Variants in AADACL2 observed in about 807,000 individuals in gnomAD.
AADACL2 encodes the protein arylacetamide deacetylase like 2.
Under a neutral mutation model 22.3 loss-of-function variants are expected in AADACL2, and 23 were observed. The observed-to-expected ratio is 1.03, with a 90% CI of 0.74 to 1.46. The LOEUF (loss-of-function observed/expected upper bound fraction) is 1.46, where lower values mean the gene tolerates loss of function less well. AADACL2 is among the 40% of genes most tolerant of loss of function. The pLI, the probability that AADACL2 is intolerant of heterozygous loss-of-function variation, is 0.00. For synonymous variants in AADACL2, 177 were observed against 166.2 expected (o/e 1.07, Z -0.50); for missense variants, 472 against 482.9 (o/e 0.98, Z 0.21).
chr3:151,737,157 G>T (rs976719099), intron 1 of AADACL2, among the ~76,000 whole-genome samples: 1 of 152,088 alleles, frequency 6.6e-6, no homozygotes, highest in Admixed American at 6.6e-5. Context: ...CTGCTATGTT[G>T]TCTCTTCATT....
At chr3:151,743,847 T>C (rs1387466517) in intron 2 of AADACL2, among the ~76,000 whole-genome samples, 1 of 152,136 alleles carries the variant, frequency 6.6e-6, no homozygotes, top group Admixed American at 6.6e-5. Flanking sequence ...GAGCCTATTC[T>C]AGTTGATCCT....
intron 1 of AADACL2, among the ~76,000 whole-genome samples, chr3:151,737,045 C>T (rs565349013): frequency 9.2e-5 from 14 of 152,110 alleles, no homozygotes; most frequent in African/African-American, 2.2e-4. Flanking sequence ...CTTTTAATTG[C>T]GATGTTCGAG....
At chr3:151,754,560 C>T (rs1713814521) in intron 4 of AADACL2, among the ~76,000 whole-genome samples, 1 of 151,930 alleles carries the variant, frequency 6.6e-6, no homozygotes, top group Non-Finnish European at 1.5e-5. Context: ...GCATACTATC[C>T]ATTGTGTTTT....
intron 4 of AADACL2, among the ~76,000 whole-genome samples, chr3:151,749,024 T>C (rs1453312612): frequency 6.6e-6 from 1 of 150,638 alleles, no homozygotes; most frequent in Non-Finnish European, 1.5e-5. Context: ...TATTGACTAT[T>C]CAGTCTTTTG....
rs939950149 is a variant in AADACL2 at position 151,740,646 on chromosome 3, G to A, written c.139G>A (p.Ala47Thr). 6.3e-7 allele frequency: 1 copy of A among 1,593,222 alleles called. No homozygotes were observed. The highest frequency in any genetic ancestry group is 1.3e-5 in the African/African-American group (1 of 74,264). Residue 47 changes from alanine (A) to threonine (T), a missense_variant and splice_region_variant, in exon 2 of 5, where the codon GCT (alanine) becomes ACT (threonine). Coordinates refer to ENST00000356517, the MANE Select transcript of AADACL2 (RefSeq NM_207365.4). ...AATTTTGTTTGTTTTGTTCTTACAG[G>A]CTATGTGTTTTGAAAATATGCGTAT... The part of the protein sequence containing the change: ...DAIAKTCTFT[A>T]MCFENMRIMR...
intron 4 of AADACL2, 62 bp downstream of exon 4, chr3:151,745,742 T>A (rs1713424002): frequency 2.7e-6 from 4 of 1,492,856 alleles, no homozygotes; most frequent in African/African-American, 1.4e-5. Flanking sequence ...TTTCTATAGA[T>A]AATTCAGTTC....
At chr3:151,742,977 G>A (rs538089520) in intron 2 of AADACL2, among the ~76,000 whole-genome samples, 12 of 152,042 alleles carry the variant, frequency 7.9e-5, no homozygotes, top group Admixed American at 6.6e-4. Flanking sequence ...TTACATGGAA[G>A]GCTATGTCTC....
At chr3:151,752,848 T>C (rs2107989323) in intron 4 of AADACL2, among the ~76,000 whole-genome samples, 1 of 152,312 alleles carries the variant, frequency 6.6e-6, no homozygotes, top group East Asian at 1.9e-4. Context: ...AGCTTTGGTC[T>C]TTCTAAATAC....
At chr3:151,744,456 C>T (rs1713377073) in intron 3 of AADACL2, among the ~76,000 whole-genome samples, 1 of 152,058 alleles carries the variant, frequency 6.6e-6, no homozygotes, top group Middle Eastern at 3.4e-3. Context: ...CACAGCTGGA[C>T]AGAAGGAAGT....
rs974273719 is a variant in AADACL2, at chr3:151,757,059, T to C, written c.671T>C (p.Ile224Thr). Residue 224 changes from isoleucine (I) to threonine (T), a missense_variant, in exon 5 of 5, where the codon ATA becomes ACA. Transcript: ENST00000356517. ...MQVLLYPGLQ[I>T]TDSYLPSHRE... Reference sequence around the variant, plus strand: ...GTCTTACTTTACCCTGGCTTACAGATAACAGATTCTTATTTGCCATCTCAC... The same window carrying C: ...GTCTTACTTTACCCTGGCTTACAGACAACAGATTCTTATTTGCCATCTCAC... 6.2e-7 allele frequency: 1 copy of C among 1,613,068 alleles called. No individual in the cohort carries two copies.
chr3:151,757,520 A>T lies in AADACL2; in HGVS notation c.1132A>T (p.Thr378Ser). Residue 378 changes from threonine (T) to serine (S), a missense_variant, in exon 5 of 5, where the codon ACT becomes TCT. Coordinates refer to ENST00000356517, the MANE Select transcript of AADACL2 (RefSeq NM_207365.4). ...DGIHGALSFM[T>S]SPFYLRLGLR... ...AATTCATGGAGCTTTATCATTCATGACTTCACCATTTTATTTACGTCTAGG... is the reference window on the plus strand; with the variant it reads ...AATTCATGGAGCTTTATCATTCATGTCTTCACCATTTTATTTACGTCTAGG... 1.2e-6 allele frequency: 2 copies of T among 1,613,520 alleles called. No homozygotes were observed. Among genetic ancestry groups the T allele is most frequent in the Non-Finnish European group, 1.7e-6 (2 of 1,179,582 alleles).
At chr3:151,747,405 C>A (rs1713489662) in intron 4 of AADACL2, among the ~76,000 whole-genome samples, 1 of 152,060 alleles carries the variant, frequency 6.6e-6, no homozygotes, top group African/African-American at 2.4e-5. Flanking sequence ...CCATCTCCAT[C>A]CCCTTTCATC....
rs1280157875 is a variant in AADACL2, at chr3:151,757,680, G to C, written c.*86G>C. 1 of 1,447,546 alleles carries C rather than the reference G, an allele frequency of 6.9e-7. No homozygotes were observed. The allele number at this position is 1,447,546 out of a possible 1,614,324, so 89.7% of individuals were successfully genotyped here. ...TTTGGAGCAAAGAACAATGTCATTT[G>C]AGTTATCTAAATCTACATTTGCAAC... On this transcript the variant is annotated 3_prime_UTR_variant, in exon 5 of 5. Coordinates refer to ENST00000356517, the MANE Select transcript of AADACL2 (RefSeq NM_207365.4).
At position 151,742,354 on chromosome 3, in the gene AADACL2, A is replaced by C. The variant is rs191638871; in HGVS notation, c.361+1486A>C. Among the ~76,000 whole-genome samples the C allele has an allele frequency of 9.8e-5, 15 of 152,336 alleles. No homozygotes were observed. The East Asian group carries it at 2.9e-3, about 29-fold the overall frequency. On this transcript the variant is annotated intron_variant, in intron 2 of 4. Transcript: ENST00000356517. ...CTATAACAATAAAAAGGCATGGAAT[A>C]AAAGAAACAAGACCAGAGAGATTAT...
rs148420664 is a variant in AADACL2, at chr3:151,756,645, A to G, written c.604-347A>G. 3.0e-3 allele frequency among the ~76,000 whole-genome samples: 459 copies of G among 152,144 alleles called. 1 individual carries two copies. Among genetic ancestry groups the G allele is most frequent in the African/African-American group, 0.011 (442 of 41,568 alleles). On this transcript the variant is annotated intron_variant, in intron 4 of 4. Coordinates refer to ENST00000356517, the MANE Select transcript of AADACL2 (RefSeq NM_207365.4). ...ACTATATGTACTGCCAATTTCCACT[A>G]GAAATATCTTTAGAATTGGATCATT...
At chr3:151,750,581 C>T (rs1713631709) in intron 4 of AADACL2, among the ~76,000 whole-genome samples, 2 of 151,836 alleles carry the variant, frequency 1.3e-5, no homozygotes, top group African/African-American at 4.8e-5. Flanking sequence ...AACTAGTCTT[C>T]TTCAGACTTC....
intron 2 of AADACL2, 85 bp downstream of exon 2, chr3:151,740,953 C>T (rs1396378647): frequency 1.9e-6 from 2 of 1,043,584 alleles, no homozygotes; most frequent in South Asian, 1.6e-5. Flanking sequence ...CACACTTATA[C>T]TGATACATAC....
In AADACL2 at chr3:151,758,548, A is replaced by G. The variant is rs1472240609; in HGVS notation, c.*954A>G. On this transcript the variant is annotated 3_prime_UTR_variant, in exon 5 of 5. Coordinates refer to ENST00000356517, the MANE Select transcript of AADACL2 (RefSeq NM_207365.4). ...TTAAAGGAGGCAGCAGATCAATATT[A>G]TAATTCAAGAATCTGATCTAAATAT... 2 of 136,164 alleles carry G rather than the reference A, an allele frequency of 1.5e-5. No homozygotes were observed. The highest frequency in any genetic ancestry group is 5.6e-5 in the African/African-American group (2 of 35,774). 8.4% of individuals were successfully genotyped at this position (136,164 alleles called of 1,614,324 possible).
At chr3:151,747,618 T>G (rs1260525075) in intron 4 of AADACL2, among the ~76,000 whole-genome samples, 2 of 148,230 alleles carry the variant, frequency 1.3e-5, no homozygotes, top group South Asian at 4.3e-4. Flanking sequence ...TTGTGTGTGT[T>G]TGTGTGTGTG....
Sources: gnomAD v4.1 joint callset for allele counts (sites outside exome capture counted in the v4.1 genomes callset) on GRCh38, gnomAD v4.1.1 for gene constraint, MANE v1.5 for transcripts, NCBI Gene and HGNC (gene_info 2026-07-23, HGNC 2026-07-21) for gene names.